DAB1: variants seen among roughly 807,000 people sequenced by gnomAD.
DAB1 encodes disabled homolog 1.
DAB1 carries 15 observed loss-of-function variants against 64.6 expected under a neutral mutation model. That is an observed-to-expected ratio of 0.23 (90% CI 0.16 to 0.36). The LOEUF is 0.36. DAB1 is among the 10% of genes least tolerant of loss of function. DAB1 has a pLI of 1.00. For missense variants in DAB1, 596 were observed against 706.7 expected, an observed-to-expected ratio of 0.84 and a Z score of 1.78; for synonymous variants, 235 against 251.9, an observed-to-expected ratio of 0.93 and a Z score of 0.64.
At chr1:57,996,353 A>G (rs1054860165) in intron 5 of DAB1, among the ~76,000 whole-genome samples, 10 of 152,232 alleles carry the variant, frequency 6.6e-5, no homozygotes, top group African/African-American at 1.9e-4. Context: ...AGCACTATAC[A>G]TAGTAGAAGT....
intron 9 of DAB1, 123 bp downstream of exon 9, chr1:57,062,761 C>T (rs1650527228): frequency 7.6e-6 from 6 of 793,446 alleles, no homozygotes; most frequent in Non-Finnish European, 1.3e-5. Context: ...ATGCAGTCCC[C>T]AGCAGAAACA....
At position 58,334,680 on chromosome 1, in the gene DAB1, T is replaced by C. The variant is rs548857678; in HGVS notation, n.309+8672A>G. On this transcript the variant is annotated intron_variant and non_coding_transcript_variant, in intron 4 of 20. Transcript: ENST00000485760. The stretch of plus-strand genomic sequence containing the variant: ...TTATATTATATTATATTGTATTATA[T>C]AGACTTTGATAACCTCCTGTGGCTT... Among the ~76,000 whole-genome samples, 4 of 149,292 alleles carry C rather than the reference T, an allele frequency of 2.7e-5. No homozygotes were observed. In the East Asian group the frequency reaches 5.8e-4, roughly 22 times the overall value.
At chr1:57,581,824 T>C (rs1334404064) in intron 7 of DAB1, among the ~76,000 whole-genome samples, 1 of 152,074 alleles carries the variant, frequency 6.6e-6, no homozygotes, top group Non-Finnish European at 1.5e-5. Flanking sequence ...TATTAAAATA[T>C]CTTCTGCTGC....
intron 6 of DAB1, among the ~76,000 whole-genome samples, chr1:57,773,781 T>C (rs2101833570): frequency 6.6e-6 from 1 of 152,138 alleles, no homozygotes; most frequent in South Asian, 2.1e-4. Flanking sequence ...ATTGAAATGT[T>C]TTAGCAACTC....
intron 5 of DAB1, among the ~76,000 whole-genome samples, chr1:58,031,866 T>C (rs1016708384): frequency 6.6e-6 from 1 of 152,112 alleles, no homozygotes; most frequent in Admixed American, 6.5e-5. Flanking sequence ...GTAACTGCTA[T>C]TCAGCCAAAT....
In DAB1 at chr1:57,148,967, C is replaced by A. The variant is rs116077468; in HGVS notation, c.68-3538G>T. 4.8e-3 allele frequency among the ~76,000 whole-genome samples: 729 copies of A among 152,300 alleles called. 6 individuals are homozygous for A. The highest frequency in any genetic ancestry group is 0.017 in the African/African-American group (696 of 41,570). ...TAATTTTGGAACATTTTTGTCATCCCACAAAGAAGCCCTGTACCCATTAGC... is the reference window on the plus strand; with the variant it reads ...TAATTTTGGAACATTTTTGTCATCCAACAAAGAAGCCCTGTACCCATTAGC... On this transcript the variant is annotated intron_variant, in intron 2 of 14. Coordinates refer to ENST00000371236, the MANE Select transcript of DAB1 (RefSeq NM_001365792.1).
chr1:58,048,570 C>T (rs1389021118), intron 5 of DAB1: 2 of 1,025,170 alleles, frequency 2.0e-6, no homozygotes, highest in African/African-American at 1.6e-5. Context: ...TTATAACCAT[C>T]CCCACTGCCA....
intron 6 of DAB1, among the ~76,000 whole-genome samples, chr1:57,801,800 G>A (rs1651138796): frequency 1.3e-5 from 2 of 152,112 alleles, no homozygotes; most frequent in Non-Finnish European, 2.9e-5. Flanking sequence ...TCGGACTACA[G>A]GCACGTGCCA....
chr1:58,446,102 T>C (rs577204824), intron 3 of DAB1, among the ~76,000 whole-genome samples: 2 of 152,308 alleles, frequency 1.3e-5, no homozygotes, highest in African/African-American at 2.4e-5. Flanking sequence ...TTTTATACCA[T>C]TATTTAAATT....
At chr1:57,929,663 G>A (rs867055011) in intron 5 of DAB1, among the ~76,000 whole-genome samples, 15 of 152,270 alleles carry the variant, frequency 9.9e-5, no homozygotes, top group Middle Eastern at 3.4e-3. Context: ...GGGAAAGATG[G>A]TGTGGGCATC....
chr1:58,490,178 A>T (rs1039372678), intron 3 of DAB1, among the ~76,000 whole-genome samples: 4 of 152,218 alleles, frequency 2.6e-5, no homozygotes, highest in East Asian at 1.9e-4. Context: ...CATGGCAAAG[A>T]AGTTAAAAAT....
chr1:57,468,913 T>C (rs1687046345), intron 7 of DAB1, among the ~76,000 whole-genome samples: 1 of 152,210 alleles, frequency 6.6e-6, no homozygotes, highest in Non-Finnish European at 1.5e-5. Context: ...TGGTGTAAGG[T>C]TACAGAGATG....
chr1:58,528,624 A>T (rs187044209), intron 1 of DAB1, among the ~76,000 whole-genome samples: 2 of 152,336 alleles, frequency 1.3e-5, no homozygotes, highest in East Asian at 1.9e-4. Context: ...TACAGTGCAC[A>T]GGACAACTCC....
At chr1:58,472,367 G>C (rs1645368689) in intron 3 of DAB1, among the ~76,000 whole-genome samples, 1 of 152,112 alleles carries the variant, frequency 6.6e-6, no homozygotes, top group Non-Finnish European at 1.5e-5. Flanking sequence ...GCCTCCCCTT[G>C]TCCTTGGTAT....
intron 4 of DAB1, among the ~76,000 whole-genome samples, chr1:58,244,681 T>A (rs143179375): frequency 6.6e-6 from 1 of 152,206 alleles, no homozygotes; most frequent in Non-Finnish European, 1.5e-5. Context: ...TGTTACTTAA[T>A]GTCTCTGATC....
intron 5 of DAB1, among the ~76,000 whole-genome samples, chr1:58,149,875 G>T (rs2066417): frequency 1.3e-5 from 2 of 151,918 alleles, no homozygotes; most frequent in Non-Finnish European, 2.9e-5. Context: ...AAGGATAAAA[G>T]AAATAGAAAA....
At chr1:58,219,365 C>T (rs1477254165) in intron 4 of DAB1, among the ~76,000 whole-genome samples, 1 of 152,172 alleles carries the variant, frequency 6.6e-6, no homozygotes, top group Admixed American at 6.5e-5. Flanking sequence ...CATCTCCAAG[C>T]TGAGCTTCAT....
At chr1:58,166,331 C>T (rs934433220) in intron 4 of DAB1, among the ~76,000 whole-genome samples, 3 of 152,186 alleles carry the variant, frequency 2.0e-5, no homozygotes, top group African/African-American at 7.2e-5. Context: ...TGTTCCCACG[C>T]TAAGCTCCAG....
chr1:58,224,166 T>C (rs1659335600), intron 4 of DAB1, among the ~76,000 whole-genome samples: 1 of 152,130 alleles, frequency 6.6e-6, no homozygotes, highest in Non-Finnish European at 1.5e-5. Context: ...CTCTTCCAAT[T>C]ATAGGATGTT....
Sources: allele counts gnomAD v4.1 joint callset (sites outside exome capture counted in the v4.1 genomes callset), GRCh38; gene constraint gnomAD v4.1.1; transcripts MANE v1.5; gene names NCBI Gene and HGNC (gene_info 2026-07-23, HGNC 2026-07-21).